EFCAB6: variants seen among roughly 807,000 people sequenced by gnomAD.
EFCAB6 encodes EF-hand calcium-binding domain-containing protein 6.
In EFCAB6, 156 loss-of-function variants were observed where a neutral mutation model predicts 169.8. The ratio of observed to expected loss-of-function variants is 0.92; its 90% CI spans 0.81 to 1.05. The LOEUF is 1.05. EFCAB6 is among the 50% of genes least tolerant of loss of function. The probability of loss-of-function intolerance (pLI) is 0.00; values close to 1 mark genes in which losing one functional copy is unlikely to be tolerated. For missense variants in EFCAB6, 1,800 were observed against 1,829.1 expected, an observed-to-expected ratio of 0.98 and a Z score of 0.29; for synonymous variants, 698 against 676.4, an observed-to-expected ratio of 1.03 and a Z score of -0.50.
At chr22:43,696,943 C>T (rs2058597386) in intron 10 of EFCAB6, among the ~76,000 whole-genome samples, 1 of 152,138 alleles carries the variant, frequency 6.6e-6, no homozygotes, top group African/African-American at 2.4e-5. Flanking sequence ...ATTTATACCT[C>T]TATAAAGCTA....
At position 43,735,812 on chromosome 22, in the gene EFCAB6, A is replaced by G. The variant is rs756848306; in HGVS notation, c.644+45T>C. ...AACAGGTCTCATTCTGAAATTGGTTAAAAGTTCTACTGAGCAATCTCTCAC... is the reference window on the plus strand; with the variant it reads ...AACAGGTCTCATTCTGAAATTGGTTGAAAGTTCTACTGAGCAATCTCTCAC... On this transcript the variant is annotated intron_variant, in intron 7 of 31. Transcript: ENST00000262726. The G allele has an allele frequency of 3.1e-6, 5 of 1,602,100 alleles. No individual in the cohort carries two copies. The African/African-American group carries it at 6.7e-5, about 22-fold the overall frequency.
intron 17 of EFCAB6, among the ~76,000 whole-genome samples, 185 bp downstream of exon 17, chr22:43,666,919 T>C (rs935297354): frequency 6.6e-6 from 1 of 151,790 alleles, no homozygotes; most frequent in African/African-American, 2.4e-5. Context: ...ATTGAAAGTA[T>C]TCTCTAAGAA....
intron 17 of EFCAB6, among the ~76,000 whole-genome samples, chr22:43,644,065 C>A (rs1354450078): frequency 6.6e-6 from 1 of 152,048 alleles, no homozygotes; most frequent in Non-Finnish European, 1.5e-5. Flanking sequence ...CTCAGGTGAT[C>A]CACCTGCCTC....
chr22:43,614,913 A>T (rs1407396801), intron 21 of EFCAB6, among the ~76,000 whole-genome samples: 1 of 152,128 alleles, frequency 6.6e-6, no homozygotes, highest in Non-Finnish European at 1.5e-5. Flanking sequence ...CACAGCACAG[A>T]CAGTCCACTC....
rs2054657939 is a variant in EFCAB6 at position 43,628,168 on chromosome 22, C to G, written c.2233-1489G>C. 6.6e-6 allele frequency among the ~76,000 whole-genome samples: 1 copy of G among 152,080 alleles called. No homozygotes were observed. The highest frequency in any genetic ancestry group is 6.5e-5 in the Admixed American group (1 of 15,274). On this transcript the variant is annotated intron_variant, in intron 19 of 31. Transcript: ENST00000262726. This position sits in a 1 kb window ranked among gnomAD's most constrained non-coding sequence, Gnocchi z 4.8. ...AACTGAACATGGCCCAAATCAAACT[C>G]CTGACCTCCACCCCCTGTCCCCACC...
chr22:43,759,669 C>T (rs555629569), intron 5 of EFCAB6: 1 of 152,280 alleles, frequency 6.6e-6, no homozygotes, highest in East Asian at 1.9e-4. Flanking sequence ...ACATTTTGCC[C>T]TTACCAGCTC....
At chr22:43,600,373 C>G (rs2052410595) in intron 22 of EFCAB6, 110 bp from the exon 23 acceptor site, 1 of 1,124,114 alleles carries the variant, frequency 8.9e-7, no homozygotes, top group Non-Finnish European at 1.3e-6. Flanking sequence ...GTCTTCCATC[C>G]CTCACCACTC....
intron 5 of EFCAB6, among the ~76,000 whole-genome samples, chr22:43,761,690 T>C (rs1038912588): frequency 2.6e-5 from 4 of 152,366 alleles, no homozygotes; most frequent in South Asian, 2.1e-4. Context: ...ATGACATCTA[T>C]TGGTTTGTAG....
At chr22:43,629,805 G>A (rs995488043) in intron 19 of EFCAB6, among the ~76,000 whole-genome samples, 1 of 152,062 alleles carries the variant, frequency 6.6e-6, no homozygotes, top group Admixed American at 6.6e-5. Context: ...GGGGGTGAGG[G>A]GTCTTGTGGG....
chr22:43,635,020 G>C, intron 18 of EFCAB6, 82 bp downstream of exon 18: 1 of 1,084,960 alleles, frequency 9.2e-7, no homozygotes. Flanking sequence ...TTCAACCCGA[G>C]TGGCCTGGTG....
intron 2 of EFCAB6, among the ~76,000 whole-genome samples, chr22:43,800,799 A>G (rs2050776493): frequency 6.6e-6 from 1 of 152,226 alleles, no homozygotes. Context: ...AAATGAAAAA[A>G]AAGAATGAAA....
chr22:43,668,832 C>T, intron 16 of EFCAB6, 40 bp downstream of exon 16: 5 of 1,509,840 alleles, frequency 3.3e-6, no homozygotes, highest in Non-Finnish European at 3.6e-6. Context: ...ATGACAGACA[C>T]TGTGGTTTTG....
intron 8 of EFCAB6, among the ~76,000 whole-genome samples, chr22:43,719,206 G>T (rs561881528): frequency 1.6e-4 from 24 of 152,262 alleles, no homozygotes; most frequent in African/African-American, 5.8e-4. Flanking sequence ...ATTCAGTGAC[G>T]CCTCTCTCAC....
intron 12 of EFCAB6, among the ~76,000 whole-genome samples, chr22:43,678,618 C>T (rs917316487): frequency 3.3e-5 from 5 of 152,106 alleles, no homozygotes; most frequent in Non-Finnish European, 5.9e-5. Flanking sequence ...GTGTTTTCTC[C>T]ACCAACAGTC....
chr22:43,662,828 C>T (rs1014741026), intron 17 of EFCAB6, among the ~76,000 whole-genome samples: 3 of 152,192 alleles, frequency 2.0e-5, no homozygotes, highest in Admixed American at 6.5e-5. Flanking sequence ...AGCAAGCCTG[C>T]GGTACATCCT....
At chr22:43,680,711 T>G (rs2057970985) in intron 12 of EFCAB6, among the ~76,000 whole-genome samples, 1 of 152,238 alleles carries the variant, frequency 6.6e-6, no homozygotes, top group Non-Finnish European at 1.5e-5. Flanking sequence ...TTGATGCTAT[T>G]GTAAATGGAA....
intron 3 of EFCAB6, among the ~76,000 whole-genome samples, chr22:43,780,705 T>C (rs1032535621): frequency 6.6e-6 from 1 of 152,122 alleles, no homozygotes; most frequent in African/African-American, 2.4e-5. Context: ...ACTCTCCTCT[T>C]TCTCCTTAGA....
intron 23 of EFCAB6, among the ~76,000 whole-genome samples, chr22:43,591,124 GTTTT>G (rs1169720525): frequency 2.2e-3 from 246 of 114,154 alleles, no homozygotes; most frequent in African/African-American, 8.3e-3. Context: ...TTTTTTTTTT[GTTTT>G]TTTTTTGTTT....
At chr22:43,653,745 T>C (rs79202185) in intron 17 of EFCAB6, among the ~76,000 whole-genome samples, 84 of 152,000 alleles carry the variant, frequency 5.5e-4, no homozygotes, top group African/African-American at 2.0e-3. Context: ...GTGAATTAGC[T>C]TGAGAGGGAG....
Sources: gnomAD v4.1 joint callset for allele counts (sites outside exome capture counted in the v4.1 genomes callset) on GRCh38, gnomAD v4.1.1 for gene constraint, Gnocchi (gnomAD v3.1) non-coding constraint, MANE v1.5 for transcripts, NCBI Gene and HGNC (gene_info 2026-07-23, HGNC 2026-07-21) for gene names.